The following PLK5 variants were observed in gnomAD, a reference collection of about 807,000 sequenced individuals.
PLK5 encodes the protein inactive serine/threonine-protein kinase PLK5.
PLK5 carries 28 observed loss-of-function variants against 33.7 expected under a neutral mutation model. That is an observed-to-expected ratio of 0.83 (90% CI 0.62 to 1.14). The LOEUF is 1.14. Among genes scored for constraint, PLK5 ranks in the 50% most tolerant of loss-of-function variants. The pLI is 0.00. For missense variants in PLK5, 492 were observed against 461.5 expected, an observed-to-expected ratio of 1.07 and a Z score of -0.61; for synonymous variants, 225 against 202.2, an observed-to-expected ratio of 1.11 and a Z score of -0.96.
chr19:1,534,086 G>A (rs1914015456), intron 13 of PLK5, 45 bp downstream of exon 13: 1 of 1,461,586 alleles, frequency 6.8e-7, no homozygotes. Context: ...TCGGCAGGGT[G>A]GGGTCTGGCC....
chr19:1,527,052 CG>C (rs11288093), intron 6 of PLK5, 54 bp downstream of exon 6: 565,762 of 841,634 alleles, frequency 0.67, 191,329 homozygotes, highest in African/African-American at 0.88. Context: ...GCAGGTGTGG[CG>C]GGGGGGGAGC....
chr19:1,532,955 C>T (rs1244136366), intron 12 of PLK5, among the ~76,000 whole-genome samples: 2 of 151,656 alleles, frequency 1.3e-5, no homozygotes, highest in African/African-American at 2.4e-5. Context: ...CGTGAGCCAC[C>T]GCGCCTGGCC....
At position 1,529,405 on chromosome 19, in the gene PLK5, G is replaced by A. The variant is rs1026392999; in HGVS notation, c.406-1G>A. 10 of 1,535,710 alleles carry A rather than the reference G, an allele frequency of 6.5e-6. No individual in the cohort carries two copies. In the Middle Eastern group the frequency reaches 5.2e-4, roughly 80 times the overall value. On this transcript the variant is annotated splice_acceptor_variant, in intron 9 of 13. Coordinates refer to ENST00000454744, the MANE Select transcript of PLK5 (RefSeq NM_001243079.2). LOFTEE classifies it high-confidence loss of function. ...CCCCACCCCTGCTGCTCCCACCTCA[G>A]AGCTCCCTGTCTGCGAAAGAGGTTC...
At chr19:1,532,887 C>T (rs265288) in intron 12 of PLK5, among the ~76,000 whole-genome samples, 1 of 150,738 alleles carries the variant, frequency 6.6e-6, no homozygotes, top group East Asian at 2.0e-4. Context: ...AGGATGGTCT[C>T]GATCTCCTGA....
Position 1,528,365 on chromosome 19 carries a change from C to T in PLK5, c.265C>T (p.Pro89Ser). The change falls in exon 8 of 14, where the codon CCG becomes TCG. Residue 89 changes from proline to serine, a missense_variant. Coordinates refer to ENST00000454744, the MANE Select transcript of PLK5 (RefSeq NM_001243079.2). Reference protein sequence around the residue: ...CHSPPIFAIPPPLGRIFRKVG... With the variant: ...CHSPPIFAIPSPLGRIFRKVG... ...CAGTCCCCCCATCTTCGCCATACCC[C>T]CGCCTCTGGGCAGGATCTTCCGGAA... 6.5e-7 allele frequency: 1 copy of T among 1,535,794 alleles called. No homozygotes were observed. Among genetic ancestry groups the T allele is most frequent in the Non-Finnish European group, 8.7e-7 (1 of 1,146,786 alleles).
chr19:1,531,697 A>G, intron 11 of PLK5, 41 bp from the exon 12 acceptor site: 1 of 1,528,810 alleles, frequency 6.5e-7, no homozygotes, highest in Non-Finnish European at 8.7e-7. Context: ...TATATGCCTG[A>G]CCCCTGACCC....
At position 1,525,585 on chromosome 19, in the gene PLK5, G is replaced by T. The variant is rs1232324363; in HGVS notation, c.-429-10G>T. 1 of 152,624 alleles carries T rather than the reference G, an allele frequency of 6.6e-6. No individual in the cohort carries two copies. The highest frequency in any genetic ancestry group is 2.4e-5 in the African/African-American group (1 of 41,440). The allele number at this position is 152,624 out of a possible 1,614,324, so 9.5% of individuals were successfully genotyped here. A position where few individuals can be genotyped will look rare whatever the true frequency, so the allele number is the denominator to read the frequency against. The stretch of plus-strand genomic sequence containing the variant: ...CTGCAGGCGGGTACATGTCGGGGCC[G>T]TGCCTGCAGGTGGAGCGTGAGATTG... On this transcript the variant is annotated splice_polypyrimidine_tract_variant and intron_variant, in intron 2 of 13. Transcript: ENST00000454744.
intron 11 of PLK5, among the ~76,000 whole-genome samples, 186 bp downstream of exon 11, chr19:1,530,010 G>T (rs531463152): frequency 6.6e-6 from 1 of 152,114 alleles, no homozygotes; most frequent in African/African-American, 2.4e-5. Flanking sequence ...GGCACGGAGG[G>T]CTCTGCGGCA....
rs764520890 is a variant in PLK5 at position 1,528,120 on chromosome 19, G to A, written c.187G>A (p.Asp63Asn). ...CAGCCTGGACCACCTGCTGCAGGAC[G>A]ACTTCTTCACACAGGTGGGCGGCGG... ...RPSLDHLLQD[D>N]FFTQGFTPDR... Residue 63 changes from aspartate (D) to asparagine (N), a missense_variant, in exon 7 of 14, where the codon GAC (aspartate) becomes AAC (asparagine). Physicochemically the swap from Asp to Asn is conservative, Grantham distance 23. Transcript: ENST00000454744. The A allele has an allele frequency of 2.9e-5, 45 of 1,535,472 alleles. No individual in the cohort carries two copies. The highest frequency in any genetic ancestry group is 3.3e-4 in the Middle Eastern group (2 of 6,004).
intron 13 of PLK5, 129 bp downstream of exon 13, chr19:1,534,170 AAAAG>A: frequency 1.4e-6 from 1 of 725,586 alleles, no homozygotes; most frequent in East Asian, 2.7e-5. Context: ...AAAAAAAAAA[AAAAG>A]GTATTGGCTC....
chr19:1,529,712 A>C (rs765235090), intron 10 of PLK5, 35 bp from the exon 11 acceptor site: 2 of 1,534,650 alleles, frequency 1.3e-6, no homozygotes, highest in East Asian at 4.9e-5. Flanking sequence ...GTGGGAACCC[A>C]GACCTGTCTG....
intron 12 of PLK5, among the ~76,000 whole-genome samples, chr19:1,532,378 A>G (rs1195428546): frequency 6.6e-6 from 1 of 152,072 alleles, no homozygotes; most frequent in Non-Finnish European, 1.5e-5. Context: ...ATCTCCACAA[A>G]AAAATTAAAA....
chr19:1,529,512 C>T (rs1249529956), intron 10 of PLK5, 22 bp downstream of exon 10: 1 of 1,528,916 alleles, frequency 6.5e-7, no homozygotes, highest in South Asian at 1.2e-5. Flanking sequence ...CCCGTCCCAG[C>T]CCGGGGCTGC....
rs1199739050 is a variant in PLK5, at chr19:1,531,831, TGGAC to T, written c.665_668del (p.Asp222GlyfsTer54). The T allele has an allele frequency of 2.6e-6, 4 of 1,533,358 alleles. No individual in the cohort carries two copies. Among genetic ancestry groups the T allele is most frequent in the Non-Finnish European group, 2.6e-6 (3 of 1,145,878 alleles). 95.0% of individuals were successfully genotyped at this position (1,533,358 alleles called of 1,614,324 possible). On this transcript the variant is annotated frameshift_variant, in exon 12 of 14. Transcript: ENST00000454744. LOFTEE classifies it high-confidence loss of function. Reference sequence around the variant, plus strand: ...AAATACGGCTTTGGCTACCAGCTCTTGGACGGGGGGCGCACGGGACGGCACCCAC... The same window carrying T: ...AAATACGGCTTTGGCTACCAGCTCTTGGGGGGCGCACGGGACGGCACCCAC...
rs33945378 is a variant in PLK5 at position 1,534,815 on chromosome 19, TAAAA to T, written c.826-239_826-236del. ...CTGGGTGACAGAGCAGGACTCTGTT[TAAAA>T]AAAAAAAAAAGTCAGGGTCTTGCTG... On this transcript the variant is annotated intron_variant, in intron 13 of 13. Coordinates refer to ENST00000454744, the MANE Select transcript of PLK5 (RefSeq NM_001243079.2). Among the ~76,000 whole-genome samples, 4 of 145,934 alleles carry T rather than the reference TAAAA, an allele frequency of 2.7e-5. No homozygotes were observed. In the South Asian group the frequency reaches 6.4e-4, roughly 23 times the overall value.
chr19:1,535,295 A>C lies in PLK5; in HGVS notation c.*45A>C, dbSNP rs2145551527. ...GGACCCCTGCATGGTAGTGCCAGGG[A>C]CCCAGGCTCCATTTCCATTCCTGTG... On this transcript the variant is annotated 3_prime_UTR_variant, in exon 14 of 14. Coordinates refer to ENST00000454744, the MANE Select transcript of PLK5 (RefSeq NM_001243079.2). 2.0e-6 allele frequency: 3 copies of C among 1,492,598 alleles called. No individual in the cohort carries two copies. The highest frequency in any genetic ancestry group is 2.7e-6 in the Non-Finnish European group (3 of 1,124,336). 92.5% of individuals were successfully genotyped at this position (1,492,598 alleles called of 1,614,324 possible). A position where few individuals can be genotyped will look rare whatever the true frequency, so the allele number is the denominator to read the frequency against.
chr19:1,524,714 TTG>T lies in PLK5; in HGVS notation c.-544+474_-544+475del, dbSNP rs767772223. 6.6e-6 allele frequency among the ~76,000 whole-genome samples: 1 copy of T among 151,696 alleles called. No individual in the cohort carries two copies. The highest frequency in any genetic ancestry group is 2.4e-5 in the African/African-American group (1 of 41,264). On this transcript the variant is annotated intron_variant, in intron 1 of 13. Transcript: ENST00000454744. The surrounding 1 kb of genome is among the most constrained non-coding windows in gnomAD (Gnocchi z 4.5). The stretch of plus-strand genomic sequence containing the variant: ...AGTCATTGTGTTGTGTGTCTGGGTG[TTG>T]TGTGTTCATGTGGTGTGCTTGTGTG...
intron 11 of PLK5, 45 bp from the exon 12 acceptor site, chr19:1,531,693 C>T (rs1599306567): frequency 1.3e-6 from 2 of 1,527,846 alleles, no homozygotes; most frequent in Admixed American, 4.1e-5. Flanking sequence ...CTACTATATG[C>T]CTGACCCCTG....
At chr19:1,525,555 C>G (rs1170250120) in intron 2 of PLK5, 40 bp from the exon 3 acceptor site, 1 of 152,664 alleles carries the variant, frequency 6.6e-6, no homozygotes, top group East Asian at 1.9e-4. Flanking sequence ...GCAGCCTGTG[C>G]CCCGCTGCAG....
Sources: gnomAD v4.1 joint callset for allele counts (sites outside exome capture counted in the v4.1 genomes callset) on GRCh38, gnomAD v4.1.1 for gene constraint, Gnocchi (gnomAD v3.1) non-coding constraint, MANE v1.5 for transcripts, NCBI Gene and HGNC (gene_info 2026-07-23, HGNC 2026-07-21) for gene names.